The following NPAS3 variants were observed in gnomAD, a reference collection of about 807,000 sequenced individuals.
NPAS3 encodes the protein neuronal PAS domain protein 3, also known as neuronal PAS domain-containing protein 3.
Under a neutral mutation model 73.1 loss-of-function variants are expected in NPAS3, and 14 were observed. That is an observed-to-expected ratio of 0.19 (90% confidence interval 0.13 to 0.30). The LOEUF is 0.30. NPAS3 is among the 10% of genes least tolerant of loss of function. The pLI, the probability that NPAS3 is intolerant of heterozygous loss-of-function variation, is 1.00. For synonymous variants in NPAS3, 620 were observed against 541.5 expected (o/e 1.14, Z -2.01); for missense variants, 1,096 against 1,250.0 (o/e 0.88, Z 1.86).
At chr14:33,546,662 T>C (rs2054858655) in intron 4 of NPAS3, among the ~76,000 whole-genome samples, 2 of 152,196 alleles carry the variant, frequency 1.3e-5, no homozygotes, top group South Asian at 4.1e-4. Context: ...TGTGATGACA[T>C]AGTTATCACT....
chr14:33,069,769 TA>T (rs940200431), intron 2 of NPAS3, among the ~76,000 whole-genome samples: 1 of 152,098 alleles, frequency 6.6e-6, no homozygotes, highest in Non-Finnish European at 1.5e-5. Flanking sequence ...GTGGAAAAAA[TA>T]GCTAAAAGAG....
At chr14:33,461,316 T>C (rs2139501832) in intron 4 of NPAS3, among the ~76,000 whole-genome samples, 1 of 152,332 alleles carries the variant, frequency 6.6e-6, no homozygotes, top group Admixed American at 6.5e-5. Flanking sequence ...GAAGGCTATT[T>C]TGATGTTGCA....
chr14:33,037,949 G>T (rs1243825189), intron 1 of NPAS3, among the ~76,000 whole-genome samples: 1 of 152,130 alleles, frequency 6.6e-6, no homozygotes, highest in Non-Finnish European at 1.5e-5. Flanking sequence ...AAAATCAGAG[G>T]CATCGGGTCT....
chr14:33,151,339 G>A (rs80159669), intron 2 of NPAS3, among the ~76,000 whole-genome samples: 1,568 of 152,288 alleles, frequency 0.01, 30 homozygotes, highest in African/African-American at 0.034. Flanking sequence ...TTATTTTAAC[G>A]TAAATAAGTA....
intron 4 of NPAS3, among the ~76,000 whole-genome samples, chr14:33,458,782 C>T (rs2050129121): frequency 6.6e-6 from 1 of 152,122 alleles, no homozygotes; most frequent in African/African-American, 2.4e-5. Flanking sequence ...AAAAAGGATA[C>T]TAGGCAGTTT....
At chr14:33,127,921 G>C (rs1208463406) in intron 2 of NPAS3, among the ~76,000 whole-genome samples, 3 of 152,072 alleles carry the variant, frequency 2.0e-5, no homozygotes. Context: ...GACTTATTAA[G>C]GGAGGCATAG....
intron 3 of NPAS3, among the ~76,000 whole-genome samples, chr14:33,310,813 A>G (rs2140192395): frequency 6.6e-6 from 1 of 151,838 alleles, no homozygotes; most frequent in Non-Finnish European, 1.5e-5. Flanking sequence ...ACACACACAC[A>G]CACACACACA....
intron 4 of NPAS3, among the ~76,000 whole-genome samples, chr14:33,504,621 A>G (rs545925093): frequency 6.6e-6 from 1 of 152,050 alleles, no homozygotes; most frequent in East Asian, 1.9e-4. Flanking sequence ...GAATTGATGT[A>G]TTTTTCTTCA....
rs1464791795 is a variant in NPAS3, at chr14:33,703,180, T to C, written c.733+26795T>C. Among the ~76,000 whole-genome samples the C allele has an allele frequency of 3.3e-5, 5 of 152,248 alleles. No individual in the cohort carries two copies. In the East Asian group the frequency reaches 5.8e-4, roughly 18 times the overall value. On this transcript the variant is annotated intron_variant, in intron 6 of 11. Transcript: ENST00000356141. Reference sequence around the variant, plus strand: ...GTCAAAAGATACATGTTCTAATGAATAGCGTTATGATATTAAATTACCCTT... The same window carrying C: ...GTCAAAAGATACATGTTCTAATGAACAGCGTTATGATATTAAATTACCCTT...
At chr14:33,054,016 C>G (rs573978211) in intron 1 of NPAS3, among the ~76,000 whole-genome samples, 3 of 152,116 alleles carry the variant, frequency 2.0e-5, no homozygotes, top group Non-Finnish European at 4.4e-5. Flanking sequence ...GATCTTAGGT[C>G]AAACCAATTC....
chr14:33,526,273 TCA>T (rs1336052865), intron 4 of NPAS3, among the ~76,000 whole-genome samples: 2 of 152,116 alleles, frequency 1.3e-5, no homozygotes, highest in African/African-American at 2.4e-5. Context: ...AATAATAAAC[TCA>T]CAGTATACTG....
At chr14:33,748,668 A>T (rs1025281559) in intron 7 of NPAS3, among the ~76,000 whole-genome samples, 3 of 152,192 alleles carry the variant, frequency 2.0e-5, no homozygotes, top group African/African-American at 7.2e-5. Context: ...AATGTCGGAC[A>T]AACAGCCTGA....
At chr14:33,795,739 G>A (rs537703027) in intron 10 of NPAS3, among the ~76,000 whole-genome samples, 1 of 152,306 alleles carries the variant, frequency 6.6e-6, no homozygotes, top group South Asian at 2.1e-4. Context: ...GCCCACAAAT[G>A]CAAGGAGTAA....
At chr14:33,484,837 A>G (rs1241559369) in intron 4 of NPAS3, among the ~76,000 whole-genome samples, 1 of 152,164 alleles carries the variant, frequency 6.6e-6, no homozygotes, top group Non-Finnish European at 1.5e-5. Context: ...GTGGGGCAAG[A>G]CACAAATCAA....
chr14:33,300,061 TA>T (rs1417807440), intron 3 of NPAS3, among the ~76,000 whole-genome samples: 2 of 152,210 alleles, frequency 1.3e-5, no homozygotes, highest in Non-Finnish European at 1.5e-5. Flanking sequence ...GTATCTTAAT[TA>T]AAATATGCTT....
intron 4 of NPAS3, among the ~76,000 whole-genome samples, chr14:33,409,559 G>A (rs1020486976): frequency 6.6e-6 from 1 of 152,110 alleles, no homozygotes; most frequent in East Asian, 1.9e-4. Context: ...AAAATTCATA[G>A]TATAATTAAG....
chr14:33,609,342 C>T (rs79751486), intron 5 of NPAS3, among the ~76,000 whole-genome samples: 7,783 of 152,242 alleles, frequency 0.051, 277 homozygotes, highest in African/African-American at 0.096. Context: ...CTGAATTCAT[C>T]GTATGAGAGA....
At chr14:32,962,294 T>C (rs2036956816) in intron 1 of NPAS3, among the ~76,000 whole-genome samples, 1 of 152,162 alleles carries the variant, frequency 6.6e-6, no homozygotes. Context: ...TTAAAACGAA[T>C]TTTGAAACTA....
intron 4 of NPAS3, among the ~76,000 whole-genome samples, chr14:33,512,917 T>A (rs1243831500): frequency 3.9e-5 from 6 of 152,090 alleles, no homozygotes; most frequent in Non-Finnish European, 7.4e-5. Flanking sequence ...TTAGAAGGTT[T>A]TGAAAATTAA....
Sources: gnomAD v4.1 joint callset for allele counts (sites outside exome capture counted in the v4.1 genomes callset) on GRCh38, gnomAD v4.1.1 for gene constraint, MANE v1.5 for transcripts, NCBI Gene and HGNC (gene_info 2026-07-23, HGNC 2026-07-21) for gene names.